The following ACOXL variants were observed in gnomAD, a reference collection of about 807,000 sequenced individuals.
The protein encoded by ACOXL is acyl-CoA oxidase like, also known as acyl-coenzyme A oxidase-like protein.
Under a neutral mutation model 71.9 loss-of-function variants are expected in ACOXL, and 70 were observed. That is an observed-to-expected ratio of 0.97 (90% CI 0.80 to 1.19). The LOEUF is 1.19. ACOXL is among the 50% of genes most tolerant of loss of function. ACOXL has a pLI of 0.00. For synonymous variants in ACOXL, 253 were observed against 281.6 expected (o/e 0.90, Z 1.02); for missense variants, 703 against 736.3 (o/e 0.95, Z 0.52).
At chr2:111,072,528 G>A (rs139880970) in intron 16 of ACOXL, among the ~76,000 whole-genome samples, 2 of 152,182 alleles carry the variant, frequency 1.3e-5, no homozygotes, top group African/African-American at 4.8e-5. Flanking sequence ...TTTGACAATT[G>A]TGAGTAGAGC....
chr2:110,956,336 G>A (rs549662935), intron 12 of ACOXL, among the ~76,000 whole-genome samples: 42 of 152,288 alleles, frequency 2.8e-4, no homozygotes, highest in Admixed American at 2.5e-3. Context: ...GCCTTGGTAT[G>A]CATTTGGTGA....
At chr2:110,864,799 C>T (rs1160198951) in intron 10 of ACOXL, among the ~76,000 whole-genome samples, 1 of 152,212 alleles carries the variant, frequency 6.6e-6, no homozygotes, top group Non-Finnish European at 1.5e-5. Flanking sequence ...TAATCCAGCT[C>T]ACCCCATTGG....
intron 16 of ACOXL, among the ~76,000 whole-genome samples, chr2:111,066,528 A>G (rs956837223): frequency 2.0e-5 from 3 of 152,166 alleles, no homozygotes; most frequent in Non-Finnish European, 4.4e-5. Context: ...AGATGTTACC[A>G]TTGGGCGAAA....
At position 111,009,578 on chromosome 2, in the gene ACOXL, A is replaced by T. The variant is rs1477034291; in HGVS notation, c.1281+13574A>T. Among the ~76,000 whole-genome samples the T allele has an allele frequency of 2.0e-5, 3 of 152,116 alleles. No individual in the cohort carries two copies. In the East Asian group the frequency reaches 5.8e-4, roughly 29 times the overall value. ...AGACTGCCAAGATTAGTGAAAATGA[A>T]GGAGGAACATCCCAAAAAGAAAGAA... On this transcript the variant is annotated intron_variant, in intron 14 of 17. Coordinates refer to ENST00000439055, the MANE Select transcript of ACOXL (RefSeq NM_001142807.4).
chr2:110,927,452 G>C (rs535286611), intron 11 of ACOXL, among the ~76,000 whole-genome samples: 1 of 152,066 alleles, frequency 6.6e-6, no homozygotes, highest in Non-Finnish European at 1.5e-5. Flanking sequence ...CTCCACACCT[G>C]TCCTGTGCTC....
chr2:110,787,528 C>T (rs1242880113), intron 3 of ACOXL, among the ~76,000 whole-genome samples: 6 of 132,912 alleles, frequency 4.5e-5, no homozygotes, highest in Non-Finnish European at 7.8e-5. Context: ...AGCAAGACTC[C>T]GTCTCAAAAA....
At chr2:111,008,678 GTT>G (rs1345980829) in intron 14 of ACOXL, among the ~76,000 whole-genome samples, 2 of 152,132 alleles carry the variant, frequency 1.3e-5, no homozygotes, top group South Asian at 2.1e-4. Context: ...TGCATTTGTA[GTT>G]TTGTTAGGTA....
chr2:110,878,785 C>T (rs1696243666), intron 10 of ACOXL, among the ~76,000 whole-genome samples: 2 of 151,396 alleles, frequency 1.3e-5, no homozygotes, highest in Admixed American at 1.3e-4. Flanking sequence ...AACAGGCTGG[C>T]ACGGTGGCTC....
chr2:110,980,197 G>T (rs1185908093), intron 12 of ACOXL, among the ~76,000 whole-genome samples: 1 of 152,216 alleles, frequency 6.6e-6, no homozygotes, highest in Non-Finnish European at 1.5e-5. Flanking sequence ...TACCTTGGAG[G>T]ACTCTTACAG....
intron 15 of ACOXL, among the ~76,000 whole-genome samples, chr2:111,044,372 G>C (rs2065919755): frequency 6.6e-6 from 1 of 152,264 alleles, no homozygotes; most frequent in Non-Finnish European, 1.5e-5. Context: ...GGAAACAAGA[G>C]AACTGGTCCC....
chr2:111,118,481 G>A lies in ACOXL; in HGVS notation c.*665G>A, dbSNP rs2070497025. 6.6e-6 allele frequency among the ~76,000 whole-genome samples: 1 copy of A among 152,192 alleles called. No homozygotes were observed. The highest frequency in any genetic ancestry group is 6.5e-5 in the Admixed American group (1 of 15,284). On this transcript the variant is annotated 3_prime_UTR_variant, in exon 18 of 18. Transcript: ENST00000439055. ...GGCGCGGAAAACATTTTTACCATCT[G>A]ACGCTGTAGTCTGTCCTTTAGAAGA...
chr2:110,873,956 G>A (rs576613455), intron 10 of ACOXL, among the ~76,000 whole-genome samples: 10 of 152,312 alleles, frequency 6.6e-5, no homozygotes, highest in South Asian at 4.1e-4. Context: ...GGCATCCACC[G>A]TGTGGCATCG....
chr2:110,751,771 G>T (rs1254993900), intron 1 of ACOXL, among the ~76,000 whole-genome samples: 3 of 152,068 alleles, frequency 2.0e-5, no homozygotes, highest in African/African-American at 7.2e-5. Flanking sequence ...GGTTGTGTGT[G>T]TTTTTCACCC....
chr2:111,060,404 A>C (rs1277944847), intron 16 of ACOXL, among the ~76,000 whole-genome samples: 1 of 152,272 alleles, frequency 6.6e-6, no homozygotes, highest in African/African-American at 2.4e-5. Flanking sequence ...CTTCCCAACC[A>C]GAGTGGGATC....
intron 3 of ACOXL, among the ~76,000 whole-genome samples, chr2:110,786,458 A>AG (rs1440966580): frequency 6.6e-6 from 1 of 152,182 alleles, no homozygotes; most frequent in African/African-American, 2.4e-5. Flanking sequence ...TGGCTTTCAG[A>AG]GAGAGCAGCT....
intron 14 of ACOXL, among the ~76,000 whole-genome samples, chr2:111,027,471 G>C (rs1421850918): frequency 6.6e-6 from 1 of 151,688 alleles, no homozygotes; most frequent in African/African-American, 2.4e-5. Context: ...ACAGGTGTGT[G>C]CCACCACACC....
intron 2 of ACOXL, 76 bp downstream of exon 2, chr2:110,768,540 T>A: frequency 8.2e-7 from 1 of 1,220,104 alleles, no homozygotes; most frequent in African/African-American, 1.6e-5. Flanking sequence ...GAGAGAGAGT[T>A]TTTTTCTCTC....
chr2:110,876,262 C>T (rs750923365), intron 10 of ACOXL, among the ~76,000 whole-genome samples: 3 of 152,112 alleles, frequency 2.0e-5, no homozygotes, highest in Non-Finnish European at 2.9e-5. Context: ...AGGGGCACCA[C>T]AGGATACCCA....
At chr2:111,113,762 TTTACCAACCACTTTAATC>T (rs2070152158) in intron 17 of ACOXL, among the ~76,000 whole-genome samples, 1 of 152,162 alleles carries the variant, frequency 6.6e-6, no homozygotes, top group Admixed American at 6.5e-5. Flanking sequence ...AGAACCTCAT[TTTACCAACCACTTTAATC>T]TTATTCCCTC....
Sources: allele counts gnomAD v4.1 joint callset (sites outside exome capture counted in the v4.1 genomes callset), GRCh38; gene constraint gnomAD v4.1.1; transcripts MANE v1.5; gene names NCBI Gene and HGNC (gene_info 2026-07-23, HGNC 2026-07-21).